SORBS2: variants seen among roughly 807,000 people sequenced by gnomAD.
SORBS2 encodes sorbin and SH3 domain-containing protein 2.
In SORBS2, 46 loss-of-function variants were observed where a neutral mutation model predicts 97.7. The ratio of observed to expected loss-of-function variants is 0.47; its 90% CI spans 0.37 to 0.60. The LOEUF is 0.60. Among genes scored for constraint, SORBS2 ranks in the 20% least tolerant of loss-of-function variants. SORBS2 has a pLI of 0.00. For synonymous variants in SORBS2, 476 were observed against 473.4 expected (o/e 1.01, Z -0.07); for missense variants, 1,316 against 1,282.3 (o/e 1.03, Z -0.40).
intron 4 of SORBS2, chr4:185,675,402 C>G (rs976844835): frequency 3.9e-5 from 6 of 152,348 alleles, no homozygotes; most frequent in African/African-American, 1.4e-4. Context: ...CTCCTGAACC[C>G]GATCAAGATG....
chr4:185,756,719 C>CTTTTTTTTTT (rs56955640), intron 2 of SORBS2, among the ~76,000 whole-genome samples: 1 of 131,598 alleles, frequency 7.6e-6, no homozygotes, highest in Non-Finnish European at 1.6e-5. Context: ...ACTGTTAAAG[C>CTTTTTTTTTT]TTTTTTTTTT....
intron 4 of SORBS2, among the ~76,000 whole-genome samples, chr4:185,642,535 G>A (rs1011290158): frequency 9.2e-5 from 14 of 152,014 alleles, no homozygotes; most frequent in African/African-American, 1.9e-4. Context: ...GTGGAAATAC[G>A]GTTCTGATTT....
intron 1 of SORBS2, among the ~76,000 whole-genome samples, chr4:185,946,129 G>T (rs1046910175): frequency 4.2e-5 from 6 of 141,526 alleles, no homozygotes; most frequent in Admixed American, 1.5e-4. Context: ...CTATGCATGT[G>T]TGTGACATGT....
intron 1 of SORBS2, chr4:185,656,493 T>C (rs549776237): frequency 1.3e-4 from 68 of 538,716 alleles, no homozygotes; most frequent in South Asian, 4.4e-4. Flanking sequence ...TATCCCTTAT[T>C]GTCTTGGCTG....
At chr4:185,768,197 T>TGG (rs2098947872) in intron 2 of SORBS2, among the ~76,000 whole-genome samples, 1 of 152,176 alleles carries the variant, frequency 6.6e-6, no homozygotes, top group Admixed American at 6.5e-5. Context: ...CATCTGCCTG[T>TGG]GGCACGGCTC....
intron 1 of SORBS2, among the ~76,000 whole-genome samples, chr4:185,946,142 C>T: frequency 6.7e-6 from 1 of 148,228 alleles, no homozygotes; most frequent in Non-Finnish European, 1.5e-5. Context: ...TGACATGTGT[C>T]TCCCTCAAAG....
At chr4:185,603,732 T>C (rs1443909970) in intron 12 of SORBS2, among the ~76,000 whole-genome samples, 1 of 152,216 alleles carries the variant, frequency 6.6e-6, no homozygotes, top group African/African-American at 2.4e-5. Flanking sequence ...CATGCTGTGG[T>C]TGTCATTAAA....
At chr4:185,921,973 G>A (rs757855137) in intron 1 of SORBS2, among the ~76,000 whole-genome samples, 14 of 152,174 alleles carry the variant, frequency 9.2e-5, no homozygotes, top group Admixed American at 6.5e-5. Context: ...TTAAAACACT[G>A]GCTCACATTG....
chr4:185,877,347 G>A (rs540466054), intron 1 of SORBS2, among the ~76,000 whole-genome samples: 8 of 152,186 alleles, frequency 5.3e-5, no homozygotes, highest in Non-Finnish European at 7.4e-5. Context: ...TGTTTAATAA[G>A]GTTGCTTTTC....
At chr4:185,639,387 T>G (rs955274703) in intron 4 of SORBS2, among the ~76,000 whole-genome samples, 5 of 152,232 alleles carry the variant, frequency 3.3e-5, no homozygotes, top group African/African-American at 1.2e-4. Context: ...AGTTTTATAA[T>G]TGACCTGCTT....
At chr4:185,949,423 T>C (rs942529118) in intron 1 of SORBS2, among the ~76,000 whole-genome samples, 16 of 152,002 alleles carry the variant, frequency 1.1e-4, no homozygotes, top group African/African-American at 3.4e-4. Context: ...TCAAGTAAAA[T>C]GCAACATAGA....
intron 1 of SORBS2, among the ~76,000 whole-genome samples, chr4:185,944,175 C>T (rs1197945307): frequency 2.6e-5 from 4 of 152,108 alleles, no homozygotes; most frequent in South Asian, 2.1e-4. Flanking sequence ...GAAAGCCAAA[C>T]GCTTATATAG....
chr4:185,617,750 T>A (rs1204231005), intron 9 of SORBS2, among the ~76,000 whole-genome samples: 1 of 152,060 alleles, frequency 6.6e-6, no homozygotes, highest in African/African-American at 2.4e-5. Flanking sequence ...AAAGAAATAT[T>A]GCAATTCAGG....
At chr4:185,630,744 C>G (rs1316010484) in intron 4 of SORBS2, 146 bp from the exon 17 acceptor site, 4 of 604,730 alleles carry the variant, frequency 6.6e-6, no homozygotes, top group Non-Finnish European at 1.2e-5. Context: ...AAAATGTCTT[C>G]CCAAAGAGAG....
chr4:185,585,758 C>G (rs945776947), exon 15 of SORBS2: 10 of 152,196 alleles, frequency 6.6e-5, no homozygotes, highest in African/African-American at 2.4e-4. Context: ...AAGCTGCATG[C>G]AGTTGACTTA....
At chr4:185,732,206 C>T (rs1010259171) in intron 2 of SORBS2, among the ~76,000 whole-genome samples, 2 of 151,876 alleles carry the variant, frequency 1.3e-5, no homozygotes, top group East Asian at 1.9e-4. Flanking sequence ...CCAGGCATTC[C>T]GTCACTCTCC....
At chr4:185,842,641 A>C (rs1407575623) in intron 1 of SORBS2, among the ~76,000 whole-genome samples, 1 of 152,188 alleles carries the variant, frequency 6.6e-6, no homozygotes, top group Non-Finnish European at 1.5e-5. Context: ...GTAAATATTA[A>C]AAATATTAAA....
At chr4:185,787,140 C>T (rs2099060044) in intron 1 of SORBS2, among the ~76,000 whole-genome samples, 1 of 152,116 alleles carries the variant, frequency 6.6e-6, no homozygotes, top group South Asian at 2.1e-4. Flanking sequence ...TCCTACTACA[C>T]TGCAGGCTCC....
In SORBS2 at chr4:185,594,086, C is replaced by A. The variant is rs550533084; in HGVS notation, c.2797-151G>T. ...AAAAAAACCAAATAAAAGCTTTCTG[C>A]AGGATTAATAATTAAAATATTTAAA... On this transcript the variant is annotated intron_variant, in intron 12 of 14. Transcript: ENST00000418609. 1.8e-5 allele frequency: 11 copies of A among 599,910 alleles called. No individual in the cohort carries two copies. In the East Asian group the frequency reaches 2.9e-4, roughly 16 times the overall value. 37.2% of individuals were successfully genotyped at this position (599,910 alleles called of 1,614,324 possible). A position where few individuals can be genotyped will look rare whatever the true frequency, so the allele number is the denominator to read the frequency against.
Sources: gnomAD v4.1 joint callset for allele counts (sites outside exome capture counted in the v4.1 genomes callset) on GRCh38, gnomAD v4.1.1 for gene constraint, MANE v1.5 for transcripts, NCBI Gene and HGNC (gene_info 2026-07-23, HGNC 2026-07-21) for gene names.